KCNMB2: variants seen among roughly 807,000 people sequenced by gnomAD.
KCNMB2 encodes calcium-activated potassium channel subunit beta-2.
A neutral mutation model predicts 24.5 loss-of-function variants in KCNMB2; 9 were observed. The ratio of observed to expected loss-of-function variants is 0.37; its 90% CI spans 0.22 to 0.64. The LOEUF (loss-of-function observed/expected upper bound fraction) is 0.64, where lower values mean the gene tolerates loss of function less well. Among genes scored for constraint, KCNMB2 ranks in the 30% least tolerant of loss-of-function variants. The pLI is 0.63. For missense variants in KCNMB2, 226 were observed against 284.3 expected, an observed-to-expected ratio of 0.79 and a Z score of 1.47; for synonymous variants, 109 against 104.4, an observed-to-expected ratio of 1.04 and a Z score of -0.27.
chr3:178,605,704 T>C (rs1378076566), intron 1 of KCNMB2, among the ~76,000 whole-genome samples: 1 of 152,182 alleles, frequency 6.6e-6, no homozygotes, highest in Non-Finnish European at 1.5e-5. Flanking sequence ...GGAAAGGTGA[T>C]CTTTTTTATA....
At chr3:178,587,586 G>C (rs926693157) in intron 1 of KCNMB2, among the ~76,000 whole-genome samples, 3 of 148,378 alleles carry the variant, frequency 2.0e-5, no homozygotes, top group African/African-American at 7.6e-5. Flanking sequence ...GCCACACCCG[G>C]CTAATTTTTT....
intron 1 of KCNMB2, among the ~76,000 whole-genome samples, chr3:178,791,998 T>C (rs1713341440): frequency 6.6e-6 from 1 of 151,844 alleles, no homozygotes; most frequent in African/African-American, 2.4e-5. Flanking sequence ...GCTAAAGGAG[T>C]TCTTCAGTCT....
rs1720276228 is a variant in KCNMB2, at chr3:178,655,095, C to CT, written c.-68+118384_-68+118385insT. 3.1e-4 allele frequency among the ~76,000 whole-genome samples: 34 copies of CT among 111,144 alleles called. 1 individual carries two copies. The highest frequency in any genetic ancestry group is 8.8e-4 in the East Asian group (3 of 3,426). 72.9% of individuals were successfully genotyped at this position (111,144 alleles called of 152,430 possible). A position where few individuals can be genotyped will look rare whatever the true frequency, so the allele number is the denominator to read the frequency against. ...TAAAGTTCAGTAAATATTAGCTCTC[C>CT]CTCTCTCTCTCTCTCTCTCTCTCTC... On this transcript the variant is annotated intron_variant, in intron 1 of 4. Transcript: ENST00000452583.
intron 1 of KCNMB2, chr3:178,748,886 T>A (rs1474785800): frequency 1.3e-5 from 2 of 152,186 alleles, no homozygotes; most frequent in Non-Finnish European, 1.5e-5. Context: ...GGAAGACAGG[T>A]GCTCATATTT....
At chr3:178,548,357 G>A (rs982926640) in intron 1 of KCNMB2, among the ~76,000 whole-genome samples, 2 of 152,096 alleles carry the variant, frequency 1.3e-5, no homozygotes, top group African/African-American at 4.8e-5. Context: ...CTTGATCATG[G>A]AACTTCCCTC....
intron 1 of KCNMB2, among the ~76,000 whole-genome samples, chr3:178,584,797 T>C (rs1717364172): frequency 6.6e-6 from 1 of 152,174 alleles, no homozygotes; most frequent in South Asian, 2.1e-4. Flanking sequence ...TAATATTATG[T>C]AAGCGACACC....
intron 3 of KCNMB2, 141 bp from the exon 4 acceptor site, chr3:178,828,037 C>A: frequency 1.5e-6 from 1 of 666,432 alleles, no homozygotes; most frequent in Non-Finnish European, 2.5e-6. Flanking sequence ...ATTCGAAGGC[C>A]TAAACTTTAC....
chr3:178,576,276 T>C (rs1172332140), intron 1 of KCNMB2, among the ~76,000 whole-genome samples: 2 of 152,062 alleles, frequency 1.3e-5, no homozygotes, highest in Admixed American at 1.3e-4. Flanking sequence ...CAAGGGAAGC[T>C]GTGAGGGACT....
intron 1 of KCNMB2, among the ~76,000 whole-genome samples, chr3:178,781,985 C>T (rs375411100): frequency 2.9e-4 from 35 of 122,414 alleles, no homozygotes; most frequent in East Asian, 2.1e-3. Context: ...ATTCCCCTTC[C>T]TGTGTCCATG....
chr3:178,685,059 T>C (rs960959169), intron 1 of KCNMB2, among the ~76,000 whole-genome samples: 1 of 152,102 alleles, frequency 6.6e-6, no homozygotes, highest in Non-Finnish European at 1.5e-5. Context: ...TTCAGAACCT[T>C]GAGTGTTGGA....
intron 1 of KCNMB2, among the ~76,000 whole-genome samples, chr3:178,651,981 T>C (rs916526321): frequency 6.6e-6 from 1 of 152,088 alleles, no homozygotes; most frequent in Non-Finnish European, 1.5e-5. Flanking sequence ...GAAGAAAACC[T>C]AGACAATACC....
At chr3:178,741,362 T>C (rs1233556218) in intron 1 of KCNMB2, among the ~76,000 whole-genome samples, 1 of 152,224 alleles carries the variant, frequency 6.6e-6, no homozygotes, top group East Asian at 1.9e-4. Flanking sequence ...AGAAACCCAA[T>C]GAATATTTAT....
At chr3:178,679,255 G>A (rs1452063715) in intron 1 of KCNMB2, among the ~76,000 whole-genome samples, 4 of 151,778 alleles carry the variant, frequency 2.6e-5, no homozygotes, top group Non-Finnish European at 5.9e-5. Context: ...TTTAGAGATA[G>A]GCTCTTGGTC....
At chr3:178,590,376 AG>A (rs1343085581) in intron 1 of KCNMB2, among the ~76,000 whole-genome samples, 2 of 152,170 alleles carry the variant, frequency 1.3e-5, no homozygotes, top group African/African-American at 4.8e-5. Context: ...TTGGATTTAG[AG>A]GAAAAAAAAG....
At chr3:178,536,873 C>T (rs1715428058) in intron 1 of KCNMB2, among the ~76,000 whole-genome samples, 162 bp downstream of exon 1, 1 of 152,176 alleles carries the variant, frequency 6.6e-6, no homozygotes, top group Non-Finnish European at 1.5e-5. Context: ...ACACAGTGGA[C>T]AGTATTATGT....
intron 1 of KCNMB2, among the ~76,000 whole-genome samples, chr3:178,804,338 C>G (rs1377578529): frequency 1.3e-5 from 2 of 152,110 alleles, no homozygotes; most frequent in Non-Finnish European, 2.9e-5. Context: ...TTCTTTGAAG[C>G]CTGGAAATTT....
At chr3:178,770,685 C>T (rs554070477) in intron 1 of KCNMB2, among the ~76,000 whole-genome samples, 2 of 152,282 alleles carry the variant, frequency 1.3e-5, no homozygotes, top group South Asian at 4.1e-4. Flanking sequence ...CAGAGGGCTG[C>T]CAAGAACTCT....
At chr3:178,620,254 A>G (rs1320578327) in intron 1 of KCNMB2, among the ~76,000 whole-genome samples, 2 of 82,076 alleles carry the variant, frequency 2.4e-5, no homozygotes, top group Non-Finnish European at 4.4e-5. Context: ...ATACAACTAG[A>G]AAAAAATGCC....
At chr3:178,563,548 G>A (rs1228321600) in intron 1 of KCNMB2, among the ~76,000 whole-genome samples, 2 of 152,184 alleles carry the variant, frequency 1.3e-5, no homozygotes, top group African/African-American at 4.8e-5. Context: ...TGAAGTCAAA[G>A]ACGTGTCTCC....
Sources: allele counts gnomAD v4.1 joint callset (sites outside exome capture counted in the v4.1 genomes callset), GRCh38; gene constraint gnomAD v4.1.1; transcripts MANE v1.5; gene names NCBI Gene and HGNC (gene_info 2026-07-23, HGNC 2026-07-21).